The following RALGPS1 variants were observed in gnomAD, a reference collection of about 807,000 sequenced individuals.
RALGPS1 encodes the protein ras-specific guanine nucleotide-releasing factor RalGPS1.
In RALGPS1, 19 loss-of-function variants were observed where a neutral mutation model predicts 78.8. That is an observed-to-expected ratio of 0.24 (90% CI 0.17 to 0.35). The LOEUF (loss-of-function observed/expected upper bound fraction) is 0.35, where lower values mean the gene tolerates loss of function less well. Ranked by LOEUF, RALGPS1 falls within the 10% of genes least tolerant of loss-of-function variation. The pLI is 1.00. For missense variants in RALGPS1, 454 were observed against 688.3 expected (o/e 0.66, Z 3.81); for synonymous variants, 228 against 256.3 (o/e 0.89, Z 1.06).
At chr9:127,034,728 C>A (rs1284540314) in intron 5 of RALGPS1, among the ~76,000 whole-genome samples, 1 of 152,190 alleles carries the variant, frequency 6.6e-6, no homozygotes, top group East Asian at 1.9e-4. Context: ...ATGCTTAAAT[C>A]ACTTCAGTGA....
intron 5 of RALGPS1, 70 bp downstream of exon 5, chr9:127,034,584 C>G (rs2046700510): frequency 7.1e-7 from 1 of 1,402,992 alleles, no homozygotes; most frequent in Non-Finnish European, 1.0e-6. Context: ...GCTGCGAGCC[C>G]CCACCCAAAG....
intron 1 of RALGPS1, among the ~76,000 whole-genome samples, chr9:126,918,222 A>G (rs569973987): frequency 6.6e-6 from 1 of 152,366 alleles, no homozygotes; most frequent in East Asian, 1.9e-4. Context: ...TCATTTCATC[A>G]CACATTAAAT....
intron 8 of RALGPS1, among the ~76,000 whole-genome samples, chr9:127,112,277 C>T (rs1030112270): frequency 4.6e-5 from 7 of 152,196 alleles, no homozygotes; most frequent in South Asian, 4.1e-4. Context: ...TCGTTTCCAA[C>T]GGTGCTTTGG....
chr9:127,011,453 C>G (rs973675984), intron 4 of RALGPS1, among the ~76,000 whole-genome samples: 1 of 152,204 alleles, frequency 6.6e-6, no homozygotes, highest in Admixed American at 6.5e-5. Flanking sequence ...GCTGGGATTA[C>G]AGGCGTGAGC....
At chr9:127,152,673 A>C (rs938006128) in intron 8 of RALGPS1, among the ~76,000 whole-genome samples, 1 of 152,136 alleles carries the variant, frequency 6.6e-6, no homozygotes, top group Non-Finnish European at 1.5e-5. Flanking sequence ...AATTTCTTAG[A>C]TCCTAGCACT....
rs532488479 is a variant in RALGPS1 at position 127,178,695 on chromosome 9, A to C, written c.910+3913A>C. ...CCTCTGTTTTCATATGGGCACAACC[A>C]CCCCTCTTTGGTTGACATATCGCCT... On this transcript the variant is annotated intron_variant, in intron 11 of 18. Coordinates refer to ENST00000259351, the MANE Select transcript of RALGPS1 (RefSeq NM_014636.3). Among the ~76,000 whole-genome samples the C allele has an allele frequency of 1.1e-4, 17 of 152,098 alleles. No individual in the cohort carries two copies. In the East Asian group the frequency reaches 3.3e-3, roughly 29 times the overall value.
intron 11 of RALGPS1, among the ~76,000 whole-genome samples, chr9:127,189,486 C>G (rs1430000566): frequency 6.6e-6 from 1 of 152,192 alleles, no homozygotes; most frequent in Non-Finnish European, 1.5e-5. Context: ...CAGCCAGGTT[C>G]TGGACGCATG....
chr9:126,924,254 C>T (rs973536891), intron 1 of RALGPS1, among the ~76,000 whole-genome samples: 9 of 152,204 alleles, frequency 5.9e-5, no homozygotes, highest in Admixed American at 2.0e-4. Context: ...CTTCAGGGGC[C>T]TTTGTTGAAT....
chr9:127,179,966 T>G (rs1032361379), intron 11 of RALGPS1, among the ~76,000 whole-genome samples: 1 of 152,098 alleles, frequency 6.6e-6, no homozygotes, highest in Non-Finnish European at 1.5e-5. Flanking sequence ...GGCCCCCACT[T>G]TCCACCCCTG....
intron 10 of RALGPS1, among the ~76,000 whole-genome samples, chr9:127,170,737 C>A (rs1028866): frequency 0.45 from 68,825 of 152,132 alleles, 16,263 homozygotes; most frequent in South Asian, 0.64. Flanking sequence ...TTTGGACAAA[C>A]TGCAAATCAT....
intron 6 of RALGPS1, among the ~76,000 whole-genome samples, chr9:127,052,004 C>T (rs925533434): frequency 2.0e-5 from 3 of 152,174 alleles, no homozygotes; most frequent in African/African-American, 7.2e-5. Flanking sequence ...TGGGACCAGC[C>T]ACTGGTCTAG....
chr9:127,200,439 C>T (rs1263931008), intron 14 of RALGPS1, among the ~76,000 whole-genome samples: 1 of 152,264 alleles, frequency 6.6e-6, no homozygotes, highest in Non-Finnish European at 1.5e-5. Flanking sequence ...AAGTGACTTA[C>T]TTGCTCCACA....
intron 8 of RALGPS1, among the ~76,000 whole-genome samples, chr9:127,117,708 T>A (rs1252067870): frequency 1.3e-5 from 2 of 152,232 alleles, no homozygotes; most frequent in African/African-American, 2.4e-5. Flanking sequence ...GCTTCATTGA[T>A]TCATTCATTC....
At chr9:127,049,026 A>C (rs1467604996) in intron 5 of RALGPS1, among the ~76,000 whole-genome samples, 1 of 152,216 alleles carries the variant, frequency 6.6e-6, no homozygotes, top group Non-Finnish European at 1.5e-5. Flanking sequence ...TGCAGCAGTA[A>C]GCTTGTTTTA....
chr9:127,148,916 G>C (rs1024889679), intron 8 of RALGPS1, among the ~76,000 whole-genome samples: 2 of 152,306 alleles, frequency 1.3e-5, no homozygotes, highest in South Asian at 2.1e-4. Context: ...CTGGGTCCTC[G>C]TTTCTCTGCA....
intron 18 of RALGPS1, chr9:127,216,880 C>A: frequency 6.6e-7 from 1 of 1,521,518 alleles, no homozygotes; most frequent in Admixed American, 2.2e-5. Context: ...GAGCATAGCA[C>A]ACTGAAGCTC....
At chr9:126,937,909 T>G (rs1321263320) in intron 1 of RALGPS1, among the ~76,000 whole-genome samples, 1 of 152,074 alleles carries the variant, frequency 6.6e-6, no homozygotes, top group African/African-American at 2.4e-5. Flanking sequence ...CAACAACAGG[T>G]TAAATGGCAG....
chr9:127,202,641 T>C (rs2061696335), intron 14 of RALGPS1, among the ~76,000 whole-genome samples: 1 of 152,000 alleles, frequency 6.6e-6, no homozygotes, highest in South Asian at 2.1e-4. Flanking sequence ...GGGAGGTGTT[T>C]GTTAGTCACT....
At position 127,212,810 on chromosome 9, in the gene RALGPS1, T is replaced by C; in HGVS notation, c.1446+91T>C. 2 of 1,534,514 alleles carry C rather than the reference T, an allele frequency of 1.3e-6. No homozygotes were observed. The highest frequency in any genetic ancestry group is 1.8e-6 in the Non-Finnish European group (2 of 1,121,348). ...GTGGAGGATGGGGGTGGGAAAGGGATCTGTGTGAACTGCGGAGGATGCAGG... is the reference window on the plus strand; with the variant it reads ...GTGGAGGATGGGGGTGGGAAAGGGACCTGTGTGAACTGCGGAGGATGCAGG... On this transcript the variant is annotated intron_variant, in intron 16 of 18. Transcript: ENST00000259351. This position sits in a 1 kb window ranked among gnomAD's most constrained non-coding sequence, Gnocchi z 6.0.
Sources: allele counts gnomAD v4.1 joint callset (sites outside exome capture counted in the v4.1 genomes callset), GRCh38; gene constraint gnomAD v4.1.1; non-coding constraint Gnocchi (gnomAD v3.1); transcripts MANE v1.5; gene names NCBI Gene and HGNC (gene_info 2026-07-23, HGNC 2026-07-21).